JAM2: variants seen among roughly 807,000 people sequenced by gnomAD.
JAM2 encodes the protein junctional adhesion molecule B.
JAM2 carries 17 observed loss-of-function variants against 42.0 expected under a neutral mutation model. The observed-to-expected ratio is 0.40, with a 90% CI of 0.28 to 0.61. The LOEUF (loss-of-function observed/expected upper bound fraction) is 0.61. Among genes scored for constraint, JAM2 ranks in the 20% least tolerant of loss-of-function variants. JAM2 has a pLI of 0.37. For missense variants in JAM2, 319 were observed against 358.3 expected (o/e 0.89, Z 0.89); for synonymous variants, 118 against 128.6 (o/e 0.92, Z 0.56).
intron 1 of JAM2, among the ~76,000 whole-genome samples, chr21:25,640,846 T>C (rs185638371): frequency 1.3e-4 from 20 of 152,318 alleles, no homozygotes; most frequent in Admixed American, 1.3e-3. Flanking sequence ...TCTCTCTTTC[T>C]TTCTTTTGTA....
intron 2 of JAM2, among the ~76,000 whole-genome samples, chr21:25,686,223 T>C (rs1002378614): frequency 1.3e-5 from 2 of 152,226 alleles, no homozygotes; most frequent in African/African-American, 4.8e-5. Context: ...CAAGCAAATG[T>C]TAATCTCACT....
At chr21:25,642,305 T>C (rs1356112188) in intron 1 of JAM2, among the ~76,000 whole-genome samples, 2 of 152,118 alleles carry the variant, frequency 1.3e-5, no homozygotes, top group African/African-American at 4.8e-5. Flanking sequence ...GTCTCTCCCT[T>C]CCCTTCATTT....
chr21:25,643,639 G>T (rs1382627126), intron 1 of JAM2: 2 of 152,218 alleles, frequency 1.3e-5, no homozygotes, highest in East Asian at 3.8e-4. Flanking sequence ...TTCCGTGCTG[G>T]CACAGTCTCA....
At chr21:25,691,930 G>A (rs1289412506) in intron 3 of JAM2, among the ~76,000 whole-genome samples, 2 of 151,842 alleles carry the variant, frequency 1.3e-5, no homozygotes, top group Non-Finnish European at 2.9e-5. Flanking sequence ...TTGGGAGGCT[G>A]AGGCATGAGA....
At chr21:25,694,929 A>G (rs994371279) in intron 4 of JAM2, among the ~76,000 whole-genome samples, 3 of 150,898 alleles carry the variant, frequency 2.0e-5, no homozygotes, top group African/African-American at 7.3e-5. Flanking sequence ...TTGGTGGTGT[A>G]TAATCTACCA....
chr21:25,648,492 C>T (rs2032678933), intron 1 of JAM2, among the ~76,000 whole-genome samples: 1 of 149,030 alleles, frequency 6.7e-6, no homozygotes, highest in Non-Finnish European at 1.5e-5. Flanking sequence ...GAGTGAACAT[C>T]TATGCCATTT....
intron 2 of JAM2, among the ~76,000 whole-genome samples, chr21:25,688,243 G>GGTGGGTGTGTGTGTGTGTGTGTGT (rs1555868473): frequency 6.7e-6 from 1 of 149,710 alleles, no homozygotes; most frequent in Non-Finnish European, 1.5e-5. Flanking sequence ...CACCAGGAGG[G>GGTGGGTGTGTGTGTGTGTGTGTGT]GTGTGTGTGT....
At chr21:25,643,277 A>T (rs2032499163) in intron 1 of JAM2, among the ~76,000 whole-genome samples, 1 of 152,236 alleles carries the variant, frequency 6.6e-6, no homozygotes, top group South Asian at 2.1e-4. Context: ...TCAAAAAATA[A>T]TAGGAATGAG....
chr21:25,670,492 TA>T (rs1013899229), intron 1 of JAM2, among the ~76,000 whole-genome samples: 124 of 144,246 alleles, frequency 8.6e-4, no homozygotes, highest in East Asian at 1.8e-3. Context: ...TGTCAAAATT[TA>T]AAAAAAAAAA....
At chr21:25,646,356 C>T (rs2032610931) in intron 1 of JAM2, among the ~76,000 whole-genome samples, 2 of 152,174 alleles carry the variant, frequency 1.3e-5, no homozygotes, top group South Asian at 4.1e-4. Flanking sequence ...AACCTATAAA[C>T]ATGAAACAGT....
chr21:25,713,769 CTT>C (rs369922844), intron 9 of JAM2, among the ~76,000 whole-genome samples: 1 of 152,166 alleles, frequency 6.6e-6, no homozygotes, highest in African/African-American at 2.4e-5. Flanking sequence ...TATGGAAAGT[CTT>C]TGTTTCTGCA....
intron 1 of JAM2, among the ~76,000 whole-genome samples, chr21:25,680,595 G>A (rs2033606006): frequency 1.3e-5 from 2 of 152,212 alleles, no homozygotes; most frequent in African/African-American, 4.8e-5. Context: ...GTAATTGTGG[G>A]AAATGGAAAT....
At chr21:25,648,642 A>G (rs915146123) in intron 1 of JAM2, among the ~76,000 whole-genome samples, 2 of 152,124 alleles carry the variant, frequency 1.3e-5, no homozygotes, top group African/African-American at 4.8e-5. Context: ...TTTCCAACTC[A>G]TCAATTCCTC....
rs1662376825 is a variant in JAM2 at position 25,715,114 on chromosome 21, T to C, written c.*442T>C. ...ACCTCTGGTCTCATTTCTGCCAGAA[T>C]CCTCTTTTCTCCCCTAATATCATCC... is the stretch of plus-strand genomic sequence containing the variant. On this transcript the variant is annotated 3_prime_UTR_variant, in exon 10 of 10. Coordinates refer to ENST00000480456, the MANE Select transcript of JAM2 (RefSeq NM_021219.4). 1 of 153,250 alleles carries C rather than the reference T, an allele frequency of 6.5e-6. No homozygotes were observed. Among genetic ancestry groups the C allele is most frequent in the African/African-American group, 2.4e-5 (1 of 41,470 alleles). The allele number at this position is 153,250 out of a possible 1,614,324, so 9.5% of individuals were successfully genotyped here. A position where few individuals can be genotyped will look rare whatever the true frequency, so the allele number is the denominator to read the frequency against.
chr21:25,714,367 G>A lies in JAM2; in HGVS notation c.865-273G>A. On this transcript the variant is annotated intron_variant, in intron 9 of 9. Coordinates refer to ENST00000480456, the MANE Select transcript of JAM2 (RefSeq NM_021219.4). Reference sequence around the variant, plus strand: ...TAAAATACAAAAATTAGCTGGGCATGGTGGCATGTGCCTGCAGTTCCAGCT... The same window carrying A: ...TAAAATACAAAAATTAGCTGGGCATAGTGGCATGTGCCTGCAGTTCCAGCT... The A allele has an allele frequency of 8.6e-6, 4 of 466,954 alleles. No homozygotes were observed. The Admixed American group carries it at 1.1e-4, about 13-fold the overall frequency. 28.9% of individuals were successfully genotyped at this position (466,954 alleles called of 1,614,324 possible). A position where few individuals can be genotyped will look rare whatever the true frequency, so the allele number is the denominator to read the frequency against.
At chr21:25,685,259 T>A (rs981212406) in intron 2 of JAM2, among the ~76,000 whole-genome samples, 2 of 151,980 alleles carry the variant, frequency 1.3e-5, no homozygotes, top group Non-Finnish European at 2.9e-5. Flanking sequence ...GTAGTAAGAA[T>A]CAGTCCTGGC....
chr21:25,677,292 C>A (rs1273419368), intron 1 of JAM2, among the ~76,000 whole-genome samples: 1 of 152,088 alleles, frequency 6.6e-6, no homozygotes, highest in Non-Finnish European at 1.5e-5. Flanking sequence ...TTTTTGCCTA[C>A]ATAATTTTGC....
At chr21:25,645,994 G>C (rs1417155905) in intron 1 of JAM2, among the ~76,000 whole-genome samples, 1 of 152,232 alleles carries the variant, frequency 6.6e-6, no homozygotes, top group Non-Finnish European at 1.5e-5. Context: ...GAGTCAGTGA[G>C]TGAGTGGTGA....
At chr21:25,645,788 C>T (rs1353566227) in intron 1 of JAM2, among the ~76,000 whole-genome samples, 2 of 152,142 alleles carry the variant, frequency 1.3e-5, no homozygotes, top group Non-Finnish European at 2.9e-5. Context: ...TAGCCTATTG[C>T]TCCTAGGCTA....
Sources: allele counts gnomAD v4.1 joint callset (sites outside exome capture counted in the v4.1 genomes callset), GRCh38; gene constraint gnomAD v4.1.1; transcripts MANE v1.5; gene names NCBI Gene and HGNC (gene_info 2026-07-23, HGNC 2026-07-21).